Variants in PARD3B observed in about 807,000 individuals in gnomAD.
The protein encoded by PARD3B is par-3 family cell polarity regulator beta.
In PARD3B, 103 loss-of-function variants were observed where a neutral mutation model predicts 130.2. That is an observed-to-expected ratio of 0.79 (90% CI 0.67 to 0.93). PARD3B has a LOEUF of 0.93. Among genes scored for constraint, PARD3B ranks in the 40% least tolerant of loss-of-function variants. The pLI, the probability that PARD3B is intolerant of heterozygous loss-of-function variation, is 0.00. For synonymous variants in PARD3B, 583 were observed against 553.2 expected, an observed-to-expected ratio of 1.05 and a Z score of -0.76; for missense variants, 1,609 against 1,499.2, an observed-to-expected ratio of 1.07 and a Z score of -1.21.
chr2:204,762,334 G>T (rs984773965), intron 2 of PARD3B, among the ~76,000 whole-genome samples: 1 of 151,708 alleles, frequency 6.6e-6, no homozygotes, highest in Non-Finnish European at 1.5e-5. Flanking sequence ...GGATGGTCTC[G>T]ATCTCCTGTC....
intron 15 of PARD3B, among the ~76,000 whole-genome samples, chr2:205,201,777 C>T (rs1370753295): frequency 3.3e-5 from 5 of 152,134 alleles, no homozygotes; most frequent in South Asian, 2.1e-4. Context: ...GTGGAGTTTG[C>T]GGTGAGCGGA....
Position 205,568,966 on chromosome 2 carries a change from T to A in PARD3B, c.3260+15563T>A, listed in dbSNP as rs1003748648. ...ATTACCAGGTCAAAGAATGTGAATATTTTTAAAGTTTCTGATGTATATTGC... is the reference window on the plus strand; with the variant it reads ...ATTACCAGGTCAAAGAATGTGAATAATTTTAAAGTTTCTGATGTATATTGC... On this transcript the variant is annotated intron_variant, in intron 22 of 22. Transcript: ENST00000406610. This position sits in a 1 kb window ranked among gnomAD's most constrained non-coding sequence, Gnocchi z 5.3. Among the ~76,000 whole-genome samples the A allele has an allele frequency of 6.6e-6, 1 of 152,188 alleles. No individual in the cohort carries two copies. Among genetic ancestry groups the A allele is most frequent in the Non-Finnish European group, 1.5e-5 (1 of 68,026 alleles).
Position 204,610,480 on chromosome 2 carries a change from C to T in PARD3B, c.120+64361C>T, listed in dbSNP as rs1250445689. On this transcript the variant is annotated intron_variant, in intron 1 of 22. Coordinates refer to ENST00000406610, the MANE Select transcript of PARD3B (RefSeq NM_001302769.2). This position sits in a 1 kb window ranked among gnomAD's most constrained non-coding sequence, Gnocchi z 4.1. ...AAGCGATTCTCCTGCGTCAGCCTCC[C>T]GAGTGGCTGGGATTACAGATGCACA... Among the ~76,000 whole-genome samples the T allele has an allele frequency of 3.3e-5, 5 of 152,112 alleles. No homozygotes were observed. The highest frequency in any genetic ancestry group is 2.0e-4 in the Admixed American group (3 of 15,272).
intron 15 of PARD3B, among the ~76,000 whole-genome samples, chr2:205,236,160 G>A (rs965944257): frequency 5.9e-5 from 9 of 152,104 alleles, no homozygotes; most frequent in Non-Finnish European, 1.2e-4. Context: ...TAAATAGTGT[G>A]GAAACCTTGT....
chr2:204,806,973 C>A (rs1010269562), intron 2 of PARD3B, among the ~76,000 whole-genome samples: 2 of 152,042 alleles, frequency 1.3e-5, no homozygotes, highest in Non-Finnish European at 2.9e-5. Flanking sequence ...AAAAGAGGTT[C>A]AATGAACTCA....
chr2:205,302,665 C>T (rs1341837918), intron 18 of PARD3B, among the ~76,000 whole-genome samples: 1 of 152,070 alleles, frequency 6.6e-6, no homozygotes, highest in East Asian at 1.9e-4. Flanking sequence ...GTAGATGAAC[C>T]TCATCCCTCT....
At chr2:204,922,839 G>A (rs575933414) in intron 2 of PARD3B, among the ~76,000 whole-genome samples, 7 of 152,148 alleles carry the variant, frequency 4.6e-5, no homozygotes, top group Admixed American at 6.5e-5. Flanking sequence ...GACAAAAATC[G>A]TAGTATTTAA....
intron 18 of PARD3B, among the ~76,000 whole-genome samples, chr2:205,384,908 C>CT (rs1246831148): frequency 6.6e-6 from 1 of 152,040 alleles, no homozygotes; most frequent in Non-Finnish European, 1.5e-5. Context: ...TACTCTGTTT[C>CT]TGGGAGATCT....
chr2:205,071,349 T>TGGTCCTAGAAACCAAACTCC (rs1294695062), intron 4 of PARD3B, among the ~76,000 whole-genome samples: 2 of 152,216 alleles, frequency 1.3e-5, no homozygotes, highest in African/African-American at 4.8e-5. Context: ...CTGTAGAGAA[T>TGGTCCTAGAAACCAAACTCC]GGTCCTAGAA....
chr2:204,923,585 G>A (rs1190357312), intron 2 of PARD3B, among the ~76,000 whole-genome samples: 3 of 151,976 alleles, frequency 2.0e-5, no homozygotes, highest in African/African-American at 7.2e-5. Flanking sequence ...ATATGGAGGT[G>A]GCAATTAGGA....
chr2:205,124,741 G>C (rs2031182306), intron 9 of PARD3B, among the ~76,000 whole-genome samples: 1 of 152,118 alleles, frequency 6.6e-6, no homozygotes, highest in South Asian at 2.1e-4. Context: ...ACCTCTTAGA[G>C]TCCCTGTGAA....
At chr2:204,724,240 T>G (rs2039121894) in intron 2 of PARD3B, among the ~76,000 whole-genome samples, 1 of 152,206 alleles carries the variant, frequency 6.6e-6, no homozygotes, top group African/African-American at 2.4e-5. Context: ...TCAAGTATTG[T>G]TGCTAATCAA....
rs1450548381 is a variant in PARD3B, at chr2:204,966,157, G to C, written c.394+834G>C. On this transcript the variant is annotated intron_variant, in intron 3 of 22. Coordinates refer to ENST00000406610, the MANE Select transcript of PARD3B (RefSeq NM_001302769.2). ...TTAAAGCAAAACATATGCTTAAAAT[G>C]GTTAGAATCGTACATAGTACTCATT... is the stretch of plus-strand genomic sequence containing the variant. 5.3e-5 allele frequency among the ~76,000 whole-genome samples: 8 copies of C among 152,208 alleles called. No homozygotes were observed. In the East Asian group the frequency reaches 1.4e-3, roughly 26 times the overall value.
chr2:204,910,628 G>GTT (rs946941015), intron 2 of PARD3B, among the ~76,000 whole-genome samples: 1 of 151,706 alleles, frequency 6.6e-6, no homozygotes, highest in Non-Finnish European at 1.5e-5. Context: ...TAAGATTACT[G>GTT]TTTTTTTTGT....
In PARD3B at chr2:204,799,746, A is replaced by G. The variant is rs1222079402; in HGVS notation, c.222+113464A>G. On this transcript the variant is annotated intron_variant, in intron 2 of 22. Coordinates refer to ENST00000406610, the MANE Select transcript of PARD3B (RefSeq NM_001302769.2). The surrounding 1 kb of genome is among the most constrained non-coding windows in gnomAD (Gnocchi z 4.1). The stretch of plus-strand genomic sequence containing the variant: ...GCCTGGTAATCCAGGGACTTCTCCC[A>G]GATCTTATCCAAGACCACCAAGATG... 6.6e-6 allele frequency among the ~76,000 whole-genome samples: 1 copy of G among 152,174 alleles called. No homozygotes were observed. The highest frequency in any genetic ancestry group is 1.5e-5 in the Non-Finnish European group (1 of 68,034).
intron 18 of PARD3B, among the ~76,000 whole-genome samples, chr2:205,338,953 G>C (rs2043416385): frequency 6.6e-6 from 1 of 152,070 alleles, no homozygotes; most frequent in South Asian, 2.1e-4. Flanking sequence ...GGGGGAAGGG[G>C]GATAAAATTT....
At chr2:204,934,100 G>A (rs1358227499) in intron 2 of PARD3B, among the ~76,000 whole-genome samples, 4 of 152,138 alleles carry the variant, frequency 2.6e-5, no homozygotes, top group East Asian at 1.9e-4. Flanking sequence ...CAGTGACATC[G>A]ATGGGAAGGA....
intron 12 of PARD3B, among the ~76,000 whole-genome samples, chr2:205,174,615 A>G (rs954261536): frequency 6.6e-6 from 1 of 152,202 alleles, no homozygotes; most frequent in African/African-American, 2.4e-5. Context: ...CTCCAGTACA[A>G]TAAAAAGTAT....
chr2:205,126,789 T>TAAAA (rs2031479097), intron 10 of PARD3B, among the ~76,000 whole-genome samples: 1 of 124,680 alleles, frequency 8.0e-6, no homozygotes, highest in African/African-American at 3.4e-5. Flanking sequence ...AAAAAAAAAT[T>TAAAA]GATAATAGCA....
Sources: gnomAD v4.1 joint callset for allele counts (sites outside exome capture counted in the v4.1 genomes callset) on GRCh38, gnomAD v4.1.1 for gene constraint, Gnocchi (gnomAD v3.1) non-coding constraint, MANE v1.5 for transcripts, NCBI Gene and HGNC (gene_info 2026-07-23, HGNC 2026-07-21) for gene names.